UFD1: variants seen among roughly 807,000 people sequenced by gnomAD.
UFD1 encodes the protein ubiquitin recognition factor in ER-associated degradation protein 1.
A neutral mutation model predicts 45.9 loss-of-function variants in UFD1; 13 were observed. That is an observed-to-expected ratio of 0.28 (90% CI 0.18 to 0.45). The LOEUF (loss-of-function observed/expected upper bound fraction) is 0.45, where lower values mean the gene tolerates loss of function less well. Ranked by LOEUF, UFD1 falls within the 20% of genes least tolerant of loss-of-function variation. The pLI, the probability that UFD1 is intolerant of heterozygous loss-of-function variation, is 1.00. For synonymous variants in UFD1, 128 were observed against 139.2 expected, an observed-to-expected ratio of 0.92 and a Z score of 0.56; for missense variants, 218 against 389.2, an observed-to-expected ratio of 0.56 and a Z score of 3.70.
intron 11 of UFD1, chr22:19,452,001 C>T (rs1385297933): frequency 2.1e-6 from 2 of 937,492 alleles, no homozygotes; most frequent in Non-Finnish European, 2.5e-6. Flanking sequence ...TAGGAGCTTC[C>T]TGAGAAAAGA....
chr22:19,449,976 C>T lies in UFD1; in HGVS notation c.*694G>A, dbSNP rs1423931037. ...GAGTAGGGAAGAAGGAGAGGAACAT[C>T]TCTTTAGCATTTGTTCATTCTAACA... is the stretch of plus-strand genomic sequence containing the variant. On this transcript the variant is annotated 3_prime_UTR_variant, in exon 12 of 12. Coordinates refer to ENST00000263202, the MANE Select transcript of UFD1 (RefSeq NM_005659.7). 3 of 152,166 alleles carry T rather than the reference C, an allele frequency of 2.0e-5. No individual in the cohort carries two copies. Among genetic ancestry groups the T allele is most frequent in the African/African-American group, 7.2e-5 (3 of 41,416 alleles). The allele number at this position is 152,166 out of a possible 1,614,324, so 9.4% of individuals were successfully genotyped here.
chr22:19,468,629 T>C (rs2089821473), intron 4 of UFD1, among the ~76,000 whole-genome samples: 1 of 152,214 alleles, frequency 6.6e-6, no homozygotes, highest in African/African-American at 2.4e-5. Context: ...AGAAGCTCTA[T>C]GTCTCTTGCA....
intron 9 of UFD1, among the ~76,000 whole-genome samples, chr22:19,456,037 C>T (rs2146288567): frequency 6.6e-6 from 1 of 152,300 alleles, no homozygotes; most frequent in South Asian, 2.1e-4. Context: ...CTCTGCAGGG[C>T]CACCCAGTTC....
chr22:19,450,632 A>T lies in UFD1; in HGVS notation c.*38T>A. On this transcript the variant is annotated 3_prime_UTR_variant, in exon 12 of 12. Coordinates refer to ENST00000263202, the MANE Select transcript of UFD1 (RefSeq NM_005659.7). ...ACTAAAAGCCAAGATGTTGCAAATGATTCTTTTATTATTTTCCAATCAGCC... is the reference window on the plus strand; with the variant it reads ...ACTAAAAGCCAAGATGTTGCAAATGTTTCTTTTATTATTTTCCAATCAGCC... 6.2e-7 allele frequency: 1 copy of T among 1,613,110 alleles called. No homozygotes were observed. The highest frequency in any genetic ancestry group is 8.5e-7 in the Non-Finnish European group (1 of 1,179,460).
At chr22:19,454,680 A>T (rs766619678) in intron 11 of UFD1, 69 bp downstream of exon 11, 8 of 1,609,982 alleles carry the variant, frequency 5.0e-6, no homozygotes, top group Non-Finnish European at 6.8e-6. Context: ...GAATGCCAAG[A>T]ACTTCAGTCA....
intron 5 of UFD1, 134 bp downstream of exon 5, chr22:19,467,739 T>C: frequency 6.8e-7 from 1 of 1,473,432 alleles, no homozygotes; most frequent in South Asian, 1.3e-5. Context: ...AACCCCATTA[T>C]TCTCAAATCA....
intron 1 of UFD1, among the ~76,000 whole-genome samples, chr22:19,476,849 A>C (rs1429091412): frequency 6.6e-6 from 1 of 151,802 alleles, no homozygotes; most frequent in Admixed American, 6.6e-5. Context: ...TCTACTAAAA[A>C]TACAAAAATT....
intron 11 of UFD1, chr22:19,453,422 A>G (rs1041646884): frequency 3.0e-6 from 3 of 985,290 alleles, no homozygotes; most frequent in African/African-American, 3.5e-5. Context: ...TCTTAAATAC[A>G]TATTTATGGT....
chr22:19,474,971 AG>A (rs1422686541), intron 3 of UFD1, 96 bp downstream of exon 3: 1 of 1,212,506 alleles, frequency 8.2e-7, no homozygotes, highest in Admixed American at 2.3e-5. Flanking sequence ...ATGCTGACAA[AG>A]GGCACTGGTG....
chr22:19,457,839 A>G (rs981667125), intron 7 of UFD1, among the ~76,000 whole-genome samples: 55 of 152,240 alleles, frequency 3.6e-4, no homozygotes, highest in Middle Eastern at 3.4e-3. Flanking sequence ...TCACTCCTCA[A>G]CGGGTCAGAG....
chr22:19,454,197 A>G, intron 11 of UFD1: 2 of 987,426 alleles, frequency 2.0e-6, no homozygotes, highest in Non-Finnish European at 2.4e-6. Flanking sequence ...CCCATGCTGC[A>G]AGTCTTCTGT....
intron 4 of UFD1, 181 bp downstream of exon 4, chr22:19,471,506 C>G: frequency 1.0e-6 from 1 of 967,854 alleles, no homozygotes; most frequent in Non-Finnish European, 1.6e-6. Context: ...CAGAGCCCAC[C>G]AGCCCGCATA....
At position 19,454,677 on chromosome 22, in the gene UFD1, AAG is replaced by A. The variant is rs1158229735; in HGVS notation, c.849+70_849+71del. On this transcript the variant is annotated intron_variant, in intron 11 of 11. Coordinates refer to ENST00000263202, the MANE Select transcript of UFD1 (RefSeq NM_005659.7). Reference sequence around the variant, plus strand: ...AATGCACACCCCTACTCAGAATGCCAAGAACTTCAGTCATCACTAGCAAATAA... The same window carrying A: ...AATGCACACCCCTACTCAGAATGCCAAACTTCAGTCATCACTAGCAAATAA... The A allele has an allele frequency of 2.5e-6, 4 of 1,609,038 alleles. No individual in the cohort carries two copies. In the African/African-American group the frequency reaches 5.3e-5, roughly 22 times the overall value.
chr22:19,456,504 A>G, intron 9 of UFD1, 83 bp downstream of exon 9: 1 of 1,580,710 alleles, frequency 6.3e-7, no homozygotes, highest in Middle Eastern at 1.7e-4. Flanking sequence ...TCCATCGAGC[A>G]TCATGGAGAA....
At chr22:19,467,769 G>T in intron 5 of UFD1, 104 bp downstream of exon 5, 1 of 1,517,922 alleles carries the variant, frequency 6.6e-7, no homozygotes, top group Non-Finnish European at 8.9e-7. Flanking sequence ...TCACAAATGT[G>T]TGATCCCCAA....
intron 3 of UFD1, 53 bp downstream of exon 3, chr22:19,475,013 CTT>C: frequency 6.5e-7 from 1 of 1,543,228 alleles, no homozygotes; most frequent in Non-Finnish European, 8.8e-7. Flanking sequence ...CATGCTGACT[CTT>C]GGTGTCCATA....
chr22:19,451,592 A>G (rs1299803103), intron 11 of UFD1: 2 of 985,248 alleles, frequency 2.0e-6, no homozygotes, highest in East Asian at 2.3e-4. Flanking sequence ...ACTTTTCCCT[A>G]GGAAGAAGAG....
chr22:19,455,407 G>A (rs1057026139), intron 10 of UFD1, among the ~76,000 whole-genome samples: 2 of 152,168 alleles, frequency 1.3e-5, no homozygotes, highest in East Asian at 1.9e-4. Context: ...AATCAGACTC[G>A]CATCTTAGGA....
rs908552226 is a variant in UFD1, at chr22:19,467,722, C to T, written c.422+151G>A. The stretch of plus-strand genomic sequence containing the variant: ...ACTTGGCCAGGGCCACGCAGATGTG[C>T]TAGCTGAACCCCATTATTCTCAAAT... On this transcript the variant is annotated intron_variant, in intron 5 of 11. Transcript: ENST00000263202. 4.7e-5 allele frequency: 66 copies of T among 1,394,904 alleles called. No individual in the cohort carries two copies. The South Asian group carries it at 9.2e-4, about 19-fold the overall frequency. The allele number at this position is 1,394,904 out of a possible 1,614,324, so 86.4% of individuals were successfully genotyped here. A position where few individuals can be genotyped will look rare whatever the true frequency, so the allele number is the denominator to read the frequency against.
Sources: allele counts gnomAD v4.1 joint callset (sites outside exome capture counted in the v4.1 genomes callset), GRCh38; gene constraint gnomAD v4.1.1; transcripts MANE v1.5; gene names NCBI Gene and HGNC (gene_info 2026-07-23, HGNC 2026-07-21).